Variants in LRRC4C observed in about 807,000 individuals in gnomAD.
LRRC4C encodes leucine rich repeat containing 4C, also known as leucine-rich repeat-containing protein 4C.
Under a neutral mutation model 33.6 loss-of-function variants are expected in LRRC4C, and 5 were observed. The ratio of observed to expected loss-of-function variants is 0.15; its 90% CI spans 0.08 to 0.31. LRRC4C has a LOEUF of 0.31. Ranked by LOEUF, LRRC4C falls within the 10% of genes least tolerant of loss-of-function variation. The probability of loss-of-function intolerance (pLI) is 1.00; values close to 1 mark genes in which losing one functional copy is unlikely to be tolerated. For synonymous variants in LRRC4C, 329 were observed against 302.0 expected (o/e 1.09, Z -0.93); for missense variants, 560 against 796.7 (o/e 0.70, Z 3.58).
chr11:40,640,740 C>T lies in LRRC4C; in HGVS notation c.-270+7402G>A, dbSNP rs373283052. On this transcript the variant is annotated intron_variant, in intron 3 of 6. Transcript: ENST00000528697. ...AGAATACATGGCAAATTTGGCCAGG[C>T]GCCATGGCTCACGCCTGTAATCCCA... 8.5e-5 allele frequency among the ~76,000 whole-genome samples: 13 copies of T among 152,142 alleles called. No homozygotes were observed. In the East Asian group the frequency reaches 1.2e-3, roughly 14 times the overall value.
chr11:41,216,753 C>T lies in LRRC4C; in HGVS notation c.-496+242678G>A, dbSNP rs544555454. On this transcript the variant is annotated intron_variant, in intron 1 of 6. Coordinates refer to ENST00000528697, the MANE Select transcript of LRRC4C (RefSeq NM_001258419.2). ...TCAATATAGTGTGAAAAATATAATA[C>T]ACTGACAAGTATGAGAAAAGTGTAG... 2.6e-5 allele frequency among the ~76,000 whole-genome samples: 4 copies of T among 152,238 alleles called. No individual in the cohort carries two copies. The South Asian group carries it at 8.3e-4, about 32-fold the overall frequency.
chr11:40,887,536 G>T (rs1354237936), intron 2 of LRRC4C, among the ~76,000 whole-genome samples: 3 of 151,958 alleles, frequency 2.0e-5, no homozygotes. Context: ...GACCCACTTT[G>T]AACTTGTGGA....
At chr11:40,840,828 T>G (rs1350052876) in intron 2 of LRRC4C, among the ~76,000 whole-genome samples, 1 of 152,218 alleles carries the variant, frequency 6.6e-6, no homozygotes, top group Non-Finnish European at 1.5e-5. Flanking sequence ...TGTTAAGATT[T>G]GTTAATATTA....
intron 2 of LRRC4C, among the ~76,000 whole-genome samples, chr11:40,910,580 C>T (rs530825776): frequency 5.3e-5 from 8 of 152,176 alleles, no homozygotes; most frequent in South Asian, 2.1e-4. Context: ...GGAGCCAAGA[C>T]GGCTGAATAG....
chr11:41,019,734 C>T (rs568414733), intron 1 of LRRC4C, among the ~76,000 whole-genome samples: 198 of 152,232 alleles, frequency 1.3e-3, no homozygotes, highest in African/African-American at 4.7e-3. Flanking sequence ...GAGATGGTAT[C>T]TCACTGTGGT....
intron 3 of LRRC4C, among the ~76,000 whole-genome samples, chr11:40,531,743 G>A (rs1205219509): frequency 6.6e-6 from 1 of 151,862 alleles, no homozygotes; most frequent in African/African-American, 2.4e-5. Flanking sequence ...AGAGGAGGAG[G>A]CTTTGTCAGC....
intron 6 of LRRC4C, among the ~76,000 whole-genome samples, chr11:40,120,024 G>T (rs967902249): frequency 2.0e-5 from 3 of 152,140 alleles, no homozygotes; most frequent in African/African-American, 7.2e-5. Context: ...CACAATAAAG[G>T]CTCTTGCCCA....
chr11:40,628,722 G>T (rs538502335), intron 3 of LRRC4C, among the ~76,000 whole-genome samples: 1 of 152,260 alleles, frequency 6.6e-6, no homozygotes, highest in South Asian at 2.1e-4. Context: ...GACAATTTCA[G>T]AAGTGTTTGC....
chr11:40,856,245 G>C (rs930655724), intron 2 of LRRC4C, among the ~76,000 whole-genome samples: 1 of 152,124 alleles, frequency 6.6e-6, no homozygotes, highest in African/African-American at 2.4e-5. Flanking sequence ...ATATAAATCT[G>C]TTTCTGAAAC....
rs539579681 is a variant in LRRC4C at position 40,861,941 on chromosome 11, C to T, written c.-407+71694G>A. ...CCAAGCCATTCATGAGGGCTCTGGT[C>T]CTGTGACCCAAACACCTTCCACCAG... On this transcript the variant is annotated intron_variant, in intron 2 of 6. Transcript: ENST00000528697. 7.2e-5 allele frequency among the ~76,000 whole-genome samples: 11 copies of T among 152,280 alleles called. No individual in the cohort carries two copies. The South Asian group carries it at 2.1e-3, about 29-fold the overall frequency.
chr11:40,889,628 T>C (rs901801795), intron 2 of LRRC4C, among the ~76,000 whole-genome samples: 1 of 152,080 alleles, frequency 6.6e-6, no homozygotes, highest in African/African-American at 2.4e-5. Context: ...TAGAAAACCA[T>C]CCATTATCTC....
intron 2 of LRRC4C, among the ~76,000 whole-genome samples, chr11:40,822,709 C>G (rs890023861): frequency 2.0e-5 from 3 of 151,468 alleles, no homozygotes; most frequent in Admixed American, 2.0e-4. Flanking sequence ...TTTTATTTGT[C>G]TGTATCTTTG....
chr11:41,105,493 T>C (rs1252742311), intron 1 of LRRC4C, among the ~76,000 whole-genome samples: 1 of 149,264 alleles, frequency 6.7e-6, no homozygotes. Flanking sequence ...TTAATTTTTG[T>C]GTCTCTCCTC....
chr11:41,288,184 G>C (rs1276596652), intron 1 of LRRC4C, among the ~76,000 whole-genome samples: 1 of 152,188 alleles, frequency 6.6e-6, no homozygotes, highest in Non-Finnish European at 1.5e-5. Context: ...ACTTATCATA[G>C]TTCTCTGAAG....
chr11:40,128,386 T>A (rs1856411991), intron 6 of LRRC4C, among the ~76,000 whole-genome samples: 1 of 152,230 alleles, frequency 6.6e-6, no homozygotes, highest in African/African-American at 2.4e-5. Context: ...TGGGTCTGTC[T>A]ACTTTTCCTC....
rs75721799 is a variant in LRRC4C at position 40,495,541 on chromosome 11, T to A, written c.-270+152601A>T. ...AGTTGAGATATTACACGTTAAATTA[T>A]TTCCCTAAGAAGATGTGTGTGGAAG... On this transcript the variant is annotated intron_variant, in intron 3 of 6. Transcript: ENST00000528697. Among the ~76,000 whole-genome samples the A allele has an allele frequency of 2.6e-3, 393 of 152,214 alleles. 8 individuals are homozygous for A. The East Asian group carries it at 0.047, about 18-fold the overall frequency.
intron 3 of LRRC4C, among the ~76,000 whole-genome samples, chr11:40,451,241 CT>C (rs1400798565): frequency 6.6e-6 from 1 of 150,808 alleles, no homozygotes; most frequent in African/African-American, 2.4e-5. Context: ...AGCCAGCTGC[CT>C]AGAAAACAGA....
At chr11:41,306,556 A>C (rs1950511102) in intron 1 of LRRC4C, among the ~76,000 whole-genome samples, 1 of 152,200 alleles carries the variant, frequency 6.6e-6, no homozygotes, top group Non-Finnish European at 1.5e-5. Context: ...CTAAGTGGAG[A>C]GTATCCTGCA....
intron 3 of LRRC4C, among the ~76,000 whole-genome samples, chr11:40,578,172 C>A (rs1466855214): frequency 4.7e-5 from 1 of 21,236 alleles, no homozygotes; most frequent in African/African-American, 2.1e-4. Context: ...TTTTTTTTTG[C>A]CTCTTAACTA....
Sources: allele counts gnomAD v4.1 joint callset (sites outside exome capture counted in the v4.1 genomes callset), GRCh38; gene constraint gnomAD v4.1.1; transcripts MANE v1.5; gene names NCBI Gene and HGNC (gene_info 2026-07-23, HGNC 2026-07-21).